Variants in LUZP2 observed in about 807,000 individuals in gnomAD.
The protein encoded by LUZP2 is leucine zipper protein 2.
In LUZP2, 52 loss-of-function variants were observed where a neutral mutation model predicts 51.6. The ratio of observed to expected loss-of-function variants is 1.01; its 90% CI spans 0.81 to 1.27. LUZP2 has a LOEUF of 1.27. Among genes scored for constraint, LUZP2 ranks in the 50% most tolerant of loss-of-function variants. LUZP2 has a pLI of 0.00. For missense variants in LUZP2, 436 were observed against 395.4 expected, an observed-to-expected ratio of 1.10 and a Z score of -0.87; for synonymous variants, 154 against 137.3, an observed-to-expected ratio of 1.12 and a Z score of -0.85.
intron 5 of LUZP2, chr11:24,892,449 T>G (rs1386381092): frequency 1.1e-6 from 1 of 909,312 alleles, no homozygotes; most frequent in Non-Finnish European, 1.3e-6. Flanking sequence ...TAATTCAACA[T>G]TTATACCATC....
At chr11:24,901,133 C>A (rs565091076) in intron 5 of LUZP2, among the ~76,000 whole-genome samples, 8 of 151,974 alleles carry the variant, frequency 5.3e-5, no homozygotes, top group African/African-American at 1.9e-4. Flanking sequence ...CTCTTTAGTA[C>A]GACAGTCTGG....
intron 1 of LUZP2, among the ~76,000 whole-genome samples, chr11:24,658,527 T>C (rs1855899779): frequency 6.6e-6 from 1 of 152,146 alleles, no homozygotes; most frequent in Admixed American, 6.6e-5. Context: ...AAGGACTTCA[T>C]GTCTAAAACA....
At chr11:24,923,486 C>G (rs1378816220) in intron 7 of LUZP2, among the ~76,000 whole-genome samples, 2 of 151,920 alleles carry the variant, frequency 1.3e-5, no homozygotes, top group Non-Finnish European at 1.5e-5. Flanking sequence ...CACCTGAGGT[C>G]AGGAGATTGA....
chr11:24,718,193 C>T (rs1310385433), intron 1 of LUZP2, among the ~76,000 whole-genome samples: 2 of 152,136 alleles, frequency 1.3e-5, no homozygotes, highest in African/African-American at 4.8e-5. Flanking sequence ...AATGTTTCTA[C>T]ACCATAAGCC....
chr11:24,923,042 G>T (rs1169175113), intron 7 of LUZP2, among the ~76,000 whole-genome samples: 1 of 151,382 alleles, frequency 6.6e-6, no homozygotes, highest in East Asian at 2.0e-4. Context: ...TAGAGACAGG[G>T]TTTCACGGTT....
At chr11:24,638,371 A>G (rs1855173228) in intron 1 of LUZP2, among the ~76,000 whole-genome samples, 1 of 151,748 alleles carries the variant, frequency 6.6e-6, no homozygotes, top group South Asian at 2.1e-4. Context: ...GAAGAATAAC[A>G]TTATATATTG....
intron 5 of LUZP2, among the ~76,000 whole-genome samples, chr11:24,871,932 A>G (rs779090448): frequency 5.3e-5 from 8 of 152,208 alleles, no homozygotes; most frequent in Non-Finnish European, 8.8e-5. Context: ...TACCTTTCCA[A>G]TTGTAATCTA....
chr11:24,516,319 G>C (rs911400023), intron 1 of LUZP2, among the ~76,000 whole-genome samples: 5 of 152,104 alleles, frequency 3.3e-5, no homozygotes, highest in Admixed American at 2.6e-4. Context: ...ATGACCACTT[G>C]TCAATCTGAA....
At chr11:24,697,086 A>T (rs1857272607) in intron 1 of LUZP2, among the ~76,000 whole-genome samples, 1 of 152,188 alleles carries the variant, frequency 6.6e-6, no homozygotes, top group African/African-American at 2.4e-5. Context: ...TGTTAAGGTC[A>T]AGGAAAAGAC....
chr11:24,659,057 C>A (rs190150267), intron 1 of LUZP2, among the ~76,000 whole-genome samples: 5 of 152,294 alleles, frequency 3.3e-5, no homozygotes, highest in African/African-American at 1.2e-4. Flanking sequence ...TTAACCCAGC[C>A]ATCCCATTAC....
At chr11:24,935,726 T>G (rs1854568156) in intron 7 of LUZP2, among the ~76,000 whole-genome samples, 1 of 152,166 alleles carries the variant, frequency 6.6e-6, no homozygotes, top group Non-Finnish European at 1.5e-5. Flanking sequence ...TTACAAGTCC[T>G]GATGTATATA....
intron 1 of LUZP2, among the ~76,000 whole-genome samples, chr11:24,591,383 T>C (rs1853255925): frequency 6.6e-6 from 1 of 152,198 alleles, no homozygotes; most frequent in African/African-American, 2.4e-5. Flanking sequence ...CTTTCTGAAG[T>C]CAAGGATTAT....
At chr11:24,680,215 T>C (rs915493592) in intron 1 of LUZP2, among the ~76,000 whole-genome samples, 4 of 152,242 alleles carry the variant, frequency 2.6e-5, no homozygotes, top group African/African-American at 9.6e-5. Context: ...ACAGAGTTGC[T>C]AATGTCCTTC....
At chr11:24,899,267 T>G (rs1048582870) in intron 5 of LUZP2, among the ~76,000 whole-genome samples, 6 of 152,134 alleles carry the variant, frequency 3.9e-5, no homozygotes, top group Non-Finnish European at 7.4e-5. Context: ...TTATAGCGTG[T>G]GATTTAGTAA....
chr11:24,807,465 G>A (rs117692718), intron 5 of LUZP2, among the ~76,000 whole-genome samples: 832 of 138,982 alleles, frequency 6.0e-3, no homozygotes, highest in Non-Finnish European at 7.3e-3. Context: ...CATCTCAAAA[G>A]AAAAAAAAAA....
rs552737170 is a variant in LUZP2 at position 24,773,686 on chromosome 11, C to T, written c.396+10378C>T. Reference sequence around the variant, plus strand: ...AGGGTGCACATGTTCTGTGGTTGTACATGCTATTACACATGTCTCATGTCT... The same window carrying T: ...AGGGTGCACATGTTCTGTGGTTGTATATGCTATTACACATGTCTCATGTCT... On this transcript the variant is annotated intron_variant, in intron 5 of 11. Coordinates refer to ENST00000336930, the MANE Select transcript of LUZP2 (RefSeq NM_001009909.4). 2.0e-5 allele frequency among the ~76,000 whole-genome samples: 3 copies of T among 152,210 alleles called. No individual in the cohort carries two copies. In the South Asian group the frequency reaches 6.2e-4, roughly 32 times the overall value.
intron 8 of LUZP2, among the ~76,000 whole-genome samples, chr11:24,979,138 AC>A (rs1855956597): frequency 6.6e-6 from 1 of 151,830 alleles, no homozygotes; most frequent in Admixed American, 6.6e-5. Flanking sequence ...AAATTACAGT[AC>A]TAGGTACAAT....
rs57741208 is a variant in LUZP2, at chr11:24,607,341, C to CTTTTTTTTTTTTTTTTTTTTTTTTTTT, written c.62+110039_62+110065dup. On this transcript the variant is annotated intron_variant, in intron 1 of 11. Coordinates refer to ENST00000336930, the MANE Select transcript of LUZP2 (RefSeq NM_001009909.4). ...GTGGTATAAGATGGGGATATTATGT[C>CTTTTTTTTTTTTTTTTTTTTTTTTTTT]TTTTTTTTTTTTTTTTTTTTTTTTT... Among the ~76,000 whole-genome samples the CTTTTTTTTTTTTTTTTTTTTTTTTTTT allele has an allele frequency of 6.3e-5, 4 of 63,416 alleles. 2 individuals are homozygous for CTTTTTTTTTTTTTTTTTTTTTTTTTTT. The allele number at this position is 63,416 out of a possible 152,430, so 41.6% of individuals were successfully genotyped here.
chr11:24,508,653 T>C (rs2133769965), intron 1 of LUZP2, among the ~76,000 whole-genome samples: 2 of 152,236 alleles, frequency 1.3e-5, no homozygotes, highest in East Asian at 3.9e-4. Flanking sequence ...ACTTGTGTGA[T>C]TCCAGGTAGC....
Sources: allele counts gnomAD v4.1 joint callset (sites outside exome capture counted in the v4.1 genomes callset), GRCh38; gene constraint gnomAD v4.1.1; transcripts MANE v1.5; gene names NCBI Gene and HGNC (gene_info 2026-07-23, HGNC 2026-07-21).